DAB1: variants seen among roughly 807,000 people sequenced by gnomAD.
DAB1 encodes the protein DAB adaptor protein 1, also known as disabled homolog 1.
A neutral mutation model predicts 64.6 loss-of-function variants in DAB1; 15 were observed. The ratio of observed to expected loss-of-function variants is 0.23; its 90% CI spans 0.16 to 0.36. The LOEUF is 0.36. Ranked by LOEUF, DAB1 falls within the 10% of genes least tolerant of loss-of-function variation. The pLI is 1.00. For synonymous variants in DAB1, 235 were observed against 251.9 expected (o/e 0.93, Z 0.64); for missense variants, 596 against 706.7 (o/e 0.84, Z 1.78).
chr1:57,196,647 C>T (rs1664647582), intron 2 of DAB1, among the ~76,000 whole-genome samples: 1 of 152,202 alleles, frequency 6.6e-6, no homozygotes, highest in Non-Finnish European at 1.5e-5. Context: ...GTCAACCACA[C>T]TAAGTGGCAA....
chr1:57,529,418 G>A (rs934190636), intron 7 of DAB1, among the ~76,000 whole-genome samples: 4 of 152,004 alleles, frequency 2.6e-5, no homozygotes, highest in African/African-American at 9.7e-5. Flanking sequence ...TAAATACCAT[G>A]TAAAAAGCAA....
At chr1:57,920,481 T>C (rs1227662052) in intron 5 of DAB1, among the ~76,000 whole-genome samples, 1 of 152,082 alleles carries the variant, frequency 6.6e-6, no homozygotes, top group African/African-American at 2.4e-5. Flanking sequence ...ACCTGACTAA[T>C]GTTTTAATTT....
intron 4 of DAB1, among the ~76,000 whole-genome samples, chr1:58,254,028 T>G (rs2100409269): frequency 6.6e-6 from 1 of 152,236 alleles, no homozygotes; most frequent in Non-Finnish European, 1.5e-5. Flanking sequence ...AGAAAAAATA[T>G]GGAAACAACA....
At chr1:58,309,464 G>A (rs563982700) in intron 4 of DAB1, among the ~76,000 whole-genome samples, 41 of 152,256 alleles carry the variant, frequency 2.7e-4, no homozygotes, top group African/African-American at 9.4e-4. Flanking sequence ...TTCCAGACGG[G>A]TAGGGAATAA....
chr1:57,861,563 A>C (rs150942658), intron 1 of DAB1, among the ~76,000 whole-genome samples: 537 of 152,272 alleles, frequency 3.5e-3, no homozygotes, highest in Non-Finnish European at 4.9e-3. Context: ...GCCAACCTGC[A>C]TTCAAGGCCC....
At chr1:57,646,205 A>G (rs74077745) in intron 7 of DAB1, among the ~76,000 whole-genome samples, 3,257 of 152,326 alleles carry the variant, frequency 0.021, 117 homozygotes, top group African/African-American at 0.075. Flanking sequence ...AATTATGCCA[A>G]TTGAAGACTT....
At chr1:57,817,984 A>T (rs1319433321) in intron 6 of DAB1, among the ~76,000 whole-genome samples, 2 of 152,208 alleles carry the variant, frequency 1.3e-5, no homozygotes, top group East Asian at 1.9e-4. Context: ...TTAATTTTTT[A>T]AAAAATACTT....
chr1:57,625,520 A>G (rs1409578492), intron 7 of DAB1, among the ~76,000 whole-genome samples: 1 of 152,192 alleles, frequency 6.6e-6, no homozygotes, highest in African/African-American at 2.4e-5. Context: ...TACACTGGCA[A>G]TCAGCACCCA....
chr1:57,190,650 A>G (rs1350047357), intron 2 of DAB1, among the ~76,000 whole-genome samples: 1 of 152,088 alleles, frequency 6.6e-6, no homozygotes, highest in Non-Finnish European at 1.5e-5. Context: ...CCACTTCCAC[A>G]CGTCTTTATT....
At chr1:57,631,573 G>A (rs1402388357) in intron 7 of DAB1, among the ~76,000 whole-genome samples, 1 of 150,958 alleles carries the variant, frequency 6.6e-6, no homozygotes, top group Non-Finnish European at 1.5e-5. Context: ...TTTACATTTT[G>A]TAAAATGTCC....
intron 4 of DAB1, among the ~76,000 whole-genome samples, chr1:58,288,874 A>G (rs1661752468): frequency 6.6e-6 from 1 of 152,170 alleles, no homozygotes; most frequent in African/African-American, 2.4e-5. Flanking sequence ...TGTGCTGGTC[A>G]TATTTCTCTG....
intron 7 of DAB1, among the ~76,000 whole-genome samples, chr1:57,611,128 C>CTTTTTT (rs5774360): frequency 4.5e-5 from 5 of 111,970 alleles, no homozygotes; most frequent in Admixed American, 2.0e-4. Flanking sequence ...CGTGCAGTGG[C>CTTTTTT]TTTTTTTTTT....
intron 5 of DAB1, among the ~76,000 whole-genome samples, chr1:57,907,356 G>A (rs1348232328): frequency 6.6e-6 from 1 of 152,140 alleles, no homozygotes; most frequent in Non-Finnish European, 1.5e-5. Context: ...AGAGAGAACT[G>A]ACCATGTGGT....
intron 5 of DAB1, among the ~76,000 whole-genome samples, chr1:57,924,611 C>A (rs1354907632): frequency 1.3e-5 from 2 of 150,736 alleles, no homozygotes; most frequent in Admixed American, 6.7e-5. Context: ...AGGCACCCAC[C>A]ACCACACTTG....
chr1:57,681,786 A>G (rs1646638825), intron 6 of DAB1, among the ~76,000 whole-genome samples: 1 of 152,198 alleles, frequency 6.6e-6, no homozygotes. Flanking sequence ...GAAAGTTTCC[A>G]TGCTTGGGAA....
chr1:58,265,117 G>A (rs1661130736), intron 4 of DAB1, among the ~76,000 whole-genome samples: 1 of 152,178 alleles, frequency 6.6e-6, no homozygotes, highest in Admixed American at 6.5e-5. Flanking sequence ...ATTGAGTAGA[G>A]CTAGGAGAGG....
At chr1:57,219,794 T>C (rs1569938232) in intron 2 of DAB1, among the ~76,000 whole-genome samples, 1 of 152,020 alleles carries the variant, frequency 6.6e-6, no homozygotes, top group Non-Finnish European at 1.5e-5. Context: ...CCAGCAACCA[T>C]ATGCACTTGG....
chr1:57,360,795 G>A (rs1402969504), intron 1 of DAB1, among the ~76,000 whole-genome samples: 3 of 152,092 alleles, frequency 2.0e-5, no homozygotes, highest in Non-Finnish European at 2.9e-5. Flanking sequence ...CTTTGTTCTG[G>A]AATGATTGAA....
chr1:57,010,416 A>G (rs1372918836), intron 14 of DAB1, among the ~76,000 whole-genome samples: 8 of 152,164 alleles, frequency 5.3e-5, no homozygotes, highest in African/African-American at 1.9e-4. Flanking sequence ...AAGGTCATGC[A>G]TCCATGAGAA....
Sources: allele counts gnomAD v4.1 joint callset (sites outside exome capture counted in the v4.1 genomes callset), GRCh38; gene constraint gnomAD v4.1.1; transcripts MANE v1.5; gene names NCBI Gene and HGNC (gene_info 2026-07-23, HGNC 2026-07-21).